PFDN1: variants seen among roughly 807,000 people sequenced by gnomAD.
PFDN1 encodes prefoldin subunit 1.
Under a neutral mutation model 17.3 loss-of-function variants are expected in PFDN1, and 6 were observed. The observed-to-expected ratio is 0.35, with a 90% confidence interval of 0.19 to 0.69. The LOEUF is 0.69. Ranked by LOEUF, PFDN1 falls within the 30% of genes least tolerant of loss-of-function variation. The probability of loss-of-function intolerance (pLI) is 0.65; values close to 1 mark genes in which losing one functional copy is unlikely to be tolerated. For synonymous variants in PFDN1, 58 were observed against 50.1 expected (o/e 1.16, Z -0.67); for missense variants, 113 against 146.2 (o/e 0.77, Z 1.17).
intron 3 of PFDN1, among the ~76,000 whole-genome samples, chr5:140,247,851 AC>A (rs1764854594): frequency 6.6e-6 from 1 of 151,856 alleles, no homozygotes; most frequent in Non-Finnish European, 1.5e-5. Context: ...AATCACTTGA[AC>A]CCAGGAGGCG....
At chr5:140,260,653 A>G (rs1765052073) in intron 3 of PFDN1, among the ~76,000 whole-genome samples, 1 of 150,854 alleles carries the variant, frequency 6.6e-6, no homozygotes, top group Non-Finnish European at 1.5e-5. Context: ...GCAGAGACAG[A>G]TAGAAAACAG....
chr5:140,294,546 G>A (rs929081920), intron 2 of PFDN1, among the ~76,000 whole-genome samples: 2 of 151,892 alleles, frequency 1.3e-5, no homozygotes, highest in Non-Finnish European at 2.9e-5. Flanking sequence ...TAAATGCCAC[G>A]ATTCAAATTA....
Position 140,282,827 on chromosome 5 carries a change from ACTGT to A in PFDN1, c.201-1298_201-1295del, listed in dbSNP as rs561093344. On this transcript the variant is annotated intron_variant, in intron 2 of 3. Transcript: ENST00000261813. ...CCCAGTTATGCAAATCTCTTTCAGGACTGTCTAAGGAAGCTAAAATATATTTCAA... is the reference window on the plus strand; with the variant it reads ...CCCAGTTATGCAAATCTCTTTCAGGACTAAGGAAGCTAAAATATATTTCAA... Among the ~76,000 whole-genome samples the A allele has an allele frequency of 8.5e-5, 13 of 152,362 alleles. No individual in the cohort carries two copies. The South Asian group carries it at 2.5e-3, about 29-fold the overall frequency.
intron 2 of PFDN1, 82 bp downstream of exon 2, chr5:140,300,334 C>T: frequency 8.8e-7 from 1 of 1,135,668 alleles, no homozygotes; most frequent in Non-Finnish European, 1.3e-6. Flanking sequence ...TGGCCTAACC[C>T]AAGTTTTAAG....
At chr5:140,255,853 A>G (rs754964937) in intron 3 of PFDN1, among the ~76,000 whole-genome samples, 1 of 152,092 alleles carries the variant, frequency 6.6e-6, no homozygotes, top group Admixed American at 6.5e-5. Flanking sequence ...TTTTTCTGCA[A>G]AACTTCTTGA....
At position 140,246,054 on chromosome 5, in the gene PFDN1, T is replaced by C; in HGVS notation, c.289A>G (p.Lys97Glu). Residue 97 changes from lysine to glutamate, a missense_variant, in exon 4 of 4, where the codon AAA becomes GAA. Physicochemically the swap from Lys to Glu is moderately conservative, Grantham distance 56. Coordinates refer to ENST00000261813, the MANE Select transcript of PFDN1 (RefSeq NM_002622.5). The stretch of plus-strand genomic sequence containing the variant: ...ACGCTTCGCTCCAGGTAGGACTTTT[T>C]CTGCTGCAATATGAGAGACAGACAA... ...AEEKIKELEQKKSYLERSVKE... is the reference protein window; with the variant it reads ...AEEKIKELEQEKSYLERSVKE... 6.5e-7 allele frequency: 1 copy of C among 1,550,236 alleles called. No homozygotes were observed. The highest frequency in any genetic ancestry group is 8.7e-7 in the Non-Finnish European group (1 of 1,142,884).
At chr5:140,264,755 G>C (rs1406232520) in intron 3 of PFDN1, among the ~76,000 whole-genome samples, 1 of 152,046 alleles carries the variant, frequency 6.6e-6, no homozygotes, top group Non-Finnish European at 1.5e-5. Context: ...TGAAGTAGGA[G>C]GAACACCTGA....
chr5:140,286,822 CT>C (rs1219752762), intron 2 of PFDN1, among the ~76,000 whole-genome samples: 4 of 152,026 alleles, frequency 2.6e-5, no homozygotes, highest in African/African-American at 9.7e-5. Context: ...CCAGGCTAGT[CT>C]CGAACTCCTG....
chr5:140,246,687 A>C (rs897732212), intron 3 of PFDN1, among the ~76,000 whole-genome samples: 3 of 152,210 alleles, frequency 2.0e-5, no homozygotes, highest in Non-Finnish European at 2.9e-5. Flanking sequence ...TCTGGGTCCT[A>C]AATTAAAAAT....
At chr5:140,276,801 A>AAAAAAAAAAAAAC (rs1765301569) in intron 3 of PFDN1, among the ~76,000 whole-genome samples, 1 of 151,388 alleles carries the variant, frequency 6.6e-6, no homozygotes, top group African/African-American at 2.4e-5. Context: ...AAAAAAAAAA[A>AAAAAAAAAAAAAC]AAAAGACTGA....
At chr5:140,272,768 A>G (rs1765226525) in intron 3 of PFDN1, among the ~76,000 whole-genome samples, 1 of 152,164 alleles carries the variant, frequency 6.6e-6, no homozygotes, top group Admixed American at 6.6e-5. Flanking sequence ...GATAAACAAC[A>G]AGGAGGGTTC....
intron 2 of PFDN1, chr5:140,293,063 G>C (rs1474929317): frequency 6.6e-6 from 1 of 152,062 alleles, no homozygotes; most frequent in African/African-American, 2.4e-5. Context: ...TTCTTGGTAT[G>C]GCTTAAAATT....
chr5:140,281,654 A>C, intron 2 of PFDN1, 121 bp from the exon 3 acceptor site: 1 of 650,800 alleles, frequency 1.5e-6, no homozygotes, highest in Non-Finnish European at 2.7e-6. Flanking sequence ...TATTAACATA[A>C]TACGTCAAGC....
intron 1 of PFDN1, 141 bp downstream of exon 1, chr5:140,302,900 C>A (rs1765769466): frequency 4.0e-6 from 3 of 748,948 alleles, no homozygotes; most frequent in East Asian, 2.4e-5. Context: ...CCCAGTGAGG[C>A]CTTAGGACTC....
At chr5:140,266,970 G>A (rs567695991) in intron 3 of PFDN1, among the ~76,000 whole-genome samples, 22 of 151,684 alleles carry the variant, frequency 1.5e-4, no homozygotes, top group African/African-American at 2.7e-4. Context: ...CACATGCTGC[G>A]GTGTGGGTTA....
chr5:140,269,565 C>T (rs1561502362), intron 3 of PFDN1, among the ~76,000 whole-genome samples: 1 of 152,058 alleles, frequency 6.6e-6, no homozygotes, highest in South Asian at 2.1e-4. Flanking sequence ...ATCATCTGCC[C>T]GCCTTGGCCT....
At chr5:140,262,916 TTTATC>T (rs753075118) in intron 3 of PFDN1, among the ~76,000 whole-genome samples, 32 of 152,232 alleles carry the variant, frequency 2.1e-4, no homozygotes, top group Admixed American at 1.1e-3. Flanking sequence ...AAAAACACCT[TTTATC>T]TTATAAGTAC....
intron 3 of PFDN1, among the ~76,000 whole-genome samples, chr5:140,248,910 G>A (rs902487553): frequency 6.6e-6 from 1 of 152,170 alleles, no homozygotes; most frequent in Non-Finnish European, 1.5e-5. Flanking sequence ...AAACTCCTGG[G>A]CTCCAGCAAT....
At chr5:140,277,358 G>T (rs191684091) in intron 3 of PFDN1, among the ~76,000 whole-genome samples, 1 of 152,224 alleles carries the variant, frequency 6.6e-6, no homozygotes, top group Non-Finnish European at 1.5e-5. Context: ...AACTGAACGA[G>T]AGAAGGCTGG....
Sources: gnomAD v4.1 joint callset for allele counts (sites outside exome capture counted in the v4.1 genomes callset) on GRCh38, gnomAD v4.1.1 for gene constraint, MANE v1.5 for transcripts, NCBI Gene and HGNC (gene_info 2026-07-23, HGNC 2026-07-21) for gene names.